The following DIAPH3 variants were observed in gnomAD, a reference collection of about 807,000 sequenced individuals.
DIAPH3 encodes the protein protein diaphanous homolog 3.
In DIAPH3, 117 loss-of-function variants were observed where a neutral mutation model predicts 144.3. That is an observed-to-expected ratio of 0.81 (90% confidence interval 0.70 to 0.95). The LOEUF (loss-of-function observed/expected upper bound fraction) is 0.95, where lower values mean the gene tolerates loss of function less well. Ranked by LOEUF, DIAPH3 falls within the 40% of genes least tolerant of loss-of-function variation. The probability of loss-of-function intolerance (pLI) is 0.00; values close to 1 mark genes in which losing one functional copy is unlikely to be tolerated. For missense variants in DIAPH3, 1,421 were observed against 1,412.7 expected (o/e 1.01, Z -0.09); for synonymous variants, 519 against 488.9 (o/e 1.06, Z -0.81).
chr13:60,128,911 A>G (rs987438074), intron 2 of DIAPH3, among the ~76,000 whole-genome samples: 6 of 152,150 alleles, frequency 3.9e-5, no homozygotes, highest in African/African-American at 1.4e-4. Context: ...AGAAGCAGAG[A>G]GTTTAGGAGT....
intron 27 of DIAPH3, among the ~76,000 whole-genome samples, chr13:59,720,869 A>G (rs2035306938): frequency 6.6e-6 from 1 of 152,186 alleles, no homozygotes; most frequent in Admixed American, 6.5e-5. Flanking sequence ...GCAAGTATTC[A>G]CTGACTATCT....
rs531770372 is a variant in DIAPH3 at position 59,752,011 on chromosome 13, G to A, written c.3319+22178C>T. Among the ~76,000 whole-genome samples the A allele has an allele frequency of 2.0e-5, 3 of 152,326 alleles. No homozygotes were observed. In the South Asian group the frequency reaches 6.2e-4, roughly 32 times the overall value. On this transcript the variant is annotated intron_variant, in intron 27 of 27. Transcript: ENST00000400324. ...CAACACAGGACAATGGGGCTAGCAG[G>A]TATAACCTGGCAGATGACAGTGGTC...
At chr13:60,136,980 A>G (rs1407371826) in intron 1 of DIAPH3, among the ~76,000 whole-genome samples, 1 of 152,148 alleles carries the variant, frequency 6.6e-6, no homozygotes, top group African/African-American at 2.4e-5. Flanking sequence ...TTCTGTCCAC[A>G]AGACTACTGG....
rs371389725 is a variant in DIAPH3, at chr13:59,950,056, C to T, written c.2074+19888G>A. On this transcript the variant is annotated intron_variant, in intron 17 of 27. Transcript: ENST00000400324. ...GGACTTTACCTACTGCAACACAGAG[C>T]TGTGTGATACTAAGGTGTCATGCTA... is the stretch of plus-strand genomic sequence containing the variant. 3.9e-5 allele frequency among the ~76,000 whole-genome samples: 6 copies of T among 152,164 alleles called. No individual in the cohort carries two copies. The South Asian group carries it at 1.2e-3, about 32-fold the overall frequency.
intron 14 of DIAPH3, among the ~76,000 whole-genome samples, chr13:59,977,456 C>T (rs71432798): frequency 6.6e-6 from 1 of 151,786 alleles, no homozygotes; most frequent in African/African-American, 2.4e-5. Context: ...AGAGTTAATC[C>T]TCTTTTCCTA....
chr13:59,917,974 G>C (rs896563767), intron 18 of DIAPH3, among the ~76,000 whole-genome samples: 2 of 147,052 alleles, frequency 1.4e-5, no homozygotes, highest in African/African-American at 5.0e-5. Context: ...AATAGAACAT[G>C]CAAAAAATAT....
intron 4 of DIAPH3, among the ~76,000 whole-genome samples, chr13:60,092,143 T>C (rs2057958269): frequency 6.6e-6 from 1 of 152,018 alleles, no homozygotes; most frequent in African/African-American, 2.4e-5. Flanking sequence ...ATGAGTCCAC[T>C]ATGTAGGTAT....
At chr13:59,722,934 G>A (rs1286524181) in intron 27 of DIAPH3, among the ~76,000 whole-genome samples, 1 of 152,162 alleles carries the variant, frequency 6.6e-6, no homozygotes, top group Non-Finnish European at 1.5e-5. Flanking sequence ...ATACTTCACT[G>A]CTTAAACTGG....
chr13:59,683,982 A>G (rs1029854254), intron 27 of DIAPH3, among the ~76,000 whole-genome samples: 1 of 152,100 alleles, frequency 6.6e-6, no homozygotes, highest in Non-Finnish European at 1.5e-5. Context: ...GAACTTGAAT[A>G]ACATTTCTCC....
chr13:60,139,564 G>C (rs1052676084), intron 1 of DIAPH3, among the ~76,000 whole-genome samples: 1 of 152,100 alleles, frequency 6.6e-6, no homozygotes, highest in South Asian at 2.1e-4. Context: ...CATCATTCAA[G>C]TGTCCACAGC....
At chr13:60,104,492 C>A (rs2058353936) in intron 3 of DIAPH3, among the ~76,000 whole-genome samples, 1 of 150,784 alleles carries the variant, frequency 6.6e-6, no homozygotes, top group African/African-American at 2.4e-5. Flanking sequence ...AATATTCTAA[C>A]TGGAGAATAT....
chr13:59,779,742 C>T (rs753558850), intron 25 of DIAPH3, among the ~76,000 whole-genome samples: 1 of 152,068 alleles, frequency 6.6e-6, no homozygotes, highest in Non-Finnish European at 1.5e-5. Flanking sequence ...GAACTCCTGA[C>T]CTCAGGTTAT....
At chr13:59,971,232 A>G in intron 15 of DIAPH3, 72 bp from the exon 16 acceptor site, 1 of 1,407,046 alleles carries the variant, frequency 7.1e-7, no homozygotes, top group Non-Finnish European at 9.6e-7. Flanking sequence ...ACTTTACTCA[A>G]AAATAAGGCA....
chr13:59,862,829 A>G (rs1350323591), intron 21 of DIAPH3, among the ~76,000 whole-genome samples: 2 of 152,152 alleles, frequency 1.3e-5, no homozygotes, highest in Admixed American at 1.3e-4. Context: ...TACTGTATGC[A>G]TATCTGTGTT....
intron 17 of DIAPH3, among the ~76,000 whole-genome samples, chr13:59,940,815 C>T (rs757542815): frequency 3.3e-5 from 5 of 152,154 alleles, no homozygotes; most frequent in African/African-American, 9.7e-5. Flanking sequence ...GTGCTGATGC[C>T]ATCCTGGCCA....
At chr13:59,699,145 T>A (rs138835369) in intron 27 of DIAPH3, among the ~76,000 whole-genome samples, 1 of 152,094 alleles carries the variant, frequency 6.6e-6, no homozygotes, top group Non-Finnish European at 1.5e-5. Context: ...TAAACACATA[T>A]GTTATAGGGT....
intron 27 of DIAPH3, among the ~76,000 whole-genome samples, chr13:59,747,167 C>T (rs1043671376): frequency 5.3e-5 from 8 of 151,890 alleles, no homozygotes; most frequent in Admixed American, 1.3e-4. Context: ...AACAAATATA[C>T]TAAAAAATAA....
intron 7 of DIAPH3, chr13:60,013,155 C>T (rs2140965779): frequency 2.0e-6 from 2 of 985,404 alleles, no homozygotes; most frequent in South Asian, 4.7e-5. Flanking sequence ...CAAGGACCCA[C>T]TCCGGACAAT....
intron 9 of DIAPH3, among the ~76,000 whole-genome samples, chr13:59,997,084 C>T (rs1241259791): frequency 6.6e-6 from 1 of 151,976 alleles, no homozygotes; most frequent in Non-Finnish European, 1.5e-5. Context: ...GGTGTCTATT[C>T]CCCAAGTACA....
Sources: gnomAD v4.1 joint callset for allele counts (sites outside exome capture counted in the v4.1 genomes callset) on GRCh38, gnomAD v4.1.1 for gene constraint, MANE v1.5 for transcripts, NCBI Gene and HGNC (gene_info 2026-07-23, HGNC 2026-07-21) for gene names.